The following EVI5 variants were observed in gnomAD, a reference collection of about 807,000 sequenced individuals.
EVI5 encodes ecotropic viral integration site 5.
In EVI5, 73 loss-of-function variants were observed where a neutral mutation model predicts 112.0. The observed-to-expected ratio is 0.65, with a 90% CI of 0.54 to 0.79. The LOEUF (loss-of-function observed/expected upper bound fraction) is 0.79, where lower values mean the gene tolerates loss of function less well. EVI5 is among the 30% of genes least tolerant of loss of function. The pLI is 0.00. For missense variants in EVI5, 900 were observed against 968.8 expected, an observed-to-expected ratio of 0.93 and a Z score of 0.94; for synonymous variants, 305 against 319.9, an observed-to-expected ratio of 0.95 and a Z score of 0.50.
intron 5 of EVI5, among the ~76,000 whole-genome samples, chr1:92,699,947 T>TA (rs1370752022): frequency 6.6e-6 from 1 of 152,164 alleles, no homozygotes; most frequent in Non-Finnish European, 1.5e-5. Flanking sequence ...ATAGCATTGA[T>TA]ATGGGAACTA....
rs202239725 is a variant in EVI5 at position 92,510,486 on chromosome 1, G to A, written c.*3170C>T. ...TATAATATCCACCATGAAATTTTAC[G>A]TTTCCAAATCATAAGCTTAATAGCA... On this transcript the variant is annotated 3_prime_UTR_variant, in exon 20 of 20. Coordinates refer to ENST00000684568, the MANE Select transcript of EVI5 (RefSeq NM_001350197.2). The A allele has an allele frequency of 9.2e-5, 14 of 152,122 alleles. No individual in the cohort carries two copies. The highest frequency in any genetic ancestry group is 3.1e-4 in the African/African-American group (13 of 41,416). 9.4% of individuals were successfully genotyped at this position (152,122 alleles called of 1,614,324 possible).
intron 13 of EVI5, among the ~76,000 whole-genome samples, chr1:92,645,347 T>C (rs558543039): frequency 1.7e-4 from 26 of 152,312 alleles, no homozygotes; most frequent in African/African-American, 6.0e-4. Context: ...TTCCATATTA[T>C]ATCTTTTTCA....
intron 18 of EVI5, among the ~76,000 whole-genome samples, chr1:92,590,111 C>T (rs1673549072): frequency 6.6e-6 from 1 of 151,962 alleles, no homozygotes; most frequent in African/African-American, 2.4e-5. Context: ...AAAACCCCAT[C>T]TGTACGTCAC....
intron 19 of EVI5, among the ~76,000 whole-genome samples, chr1:92,522,462 C>T (rs1161284338): frequency 6.6e-6 from 1 of 151,568 alleles, no homozygotes; most frequent in African/African-American, 2.4e-5. Context: ...ATGGTGAAAC[C>T]CCATCTCTAC....
chr1:92,684,087 A>T (rs1668073616), intron 9 of EVI5, among the ~76,000 whole-genome samples: 1 of 152,196 alleles, frequency 6.6e-6, no homozygotes, highest in Non-Finnish European at 1.5e-5. Flanking sequence ...AGCAATCCCA[A>T]GACACATAAA....
At chr1:92,622,402 A>T (rs1223870833) in intron 16 of EVI5, 2 of 385,046 alleles carry the variant, frequency 5.2e-6, no homozygotes, top group Non-Finnish European at 1.0e-5. Flanking sequence ...GTACTTAAGA[A>T]ACTCTTGAAG....
intron 1 of EVI5, among the ~76,000 whole-genome samples, chr1:92,753,070 G>A (rs1202800345): frequency 6.6e-6 from 1 of 151,756 alleles, no homozygotes; most frequent in Non-Finnish European, 1.5e-5. Flanking sequence ...TTTCTGAGGA[G>A]GCAACGTTTA....
chr1:92,771,460 A>G (rs1683396726), intron 1 of EVI5, among the ~76,000 whole-genome samples: 1 of 152,050 alleles, frequency 6.6e-6, no homozygotes, highest in Non-Finnish European at 1.5e-5. Context: ...AGCAGCCTAT[A>G]ACAGATACAT....
At chr1:92,594,624 C>T (rs1165209198) in intron 18 of EVI5, among the ~76,000 whole-genome samples, 12 of 151,570 alleles carry the variant, frequency 7.9e-5, no homozygotes, top group African/African-American at 9.8e-5. Flanking sequence ...TCAGAGTGAA[C>T]AGGCAGCCTA....
upstream of EVI5, among the ~76,000 whole-genome samples, chr1:92,789,295 C>T (rs1243372973): frequency 6.7e-6 from 1 of 150,212 alleles, no homozygotes; most frequent in African/African-American, 2.4e-5. Flanking sequence ...GAATTCAAGC[C>T]ATCCTCCTGC....
chr1:92,767,021 T>C (rs1682734858), intron 1 of EVI5, among the ~76,000 whole-genome samples: 1 of 145,910 alleles, frequency 6.9e-6, no homozygotes, highest in African/African-American at 2.6e-5. Flanking sequence ...AGGCAGAGGT[T>C]GCAGTGAGCT....
chr1:92,666,608 G>A (rs1374001668), intron 10 of EVI5, among the ~76,000 whole-genome samples: 2 of 95,968 alleles, frequency 2.1e-5, no homozygotes, highest in Non-Finnish European at 4.2e-5. Flanking sequence ...GAGGGGAGGG[G>A]AAGGGAGGGG....
intron 9 of EVI5, among the ~76,000 whole-genome samples, chr1:92,682,234 C>T (rs1011243973): frequency 6.6e-6 from 1 of 152,158 alleles, no homozygotes; most frequent in African/African-American, 2.4e-5. Flanking sequence ...ACTCTTACTT[C>T]CCTCTGGTGT....
intron 1 of EVI5, among the ~76,000 whole-genome samples, chr1:92,738,045 G>A (rs1253841062): frequency 6.6e-6 from 1 of 152,178 alleles, no homozygotes; most frequent in Non-Finnish European, 1.5e-5. Context: ...AGAGACCTAA[G>A]AAAGAGAAGC....
intron 19 of EVI5, among the ~76,000 whole-genome samples, chr1:92,559,928 A>G (rs2100854558): frequency 6.6e-6 from 1 of 152,230 alleles, no homozygotes; most frequent in South Asian, 2.1e-4. Context: ...ATACTGGGGG[A>G]AAAGTACTCA....
At chr1:92,552,986 A>AT (rs1326790980) in intron 19 of EVI5, among the ~76,000 whole-genome samples, 2 of 151,924 alleles carry the variant, frequency 1.3e-5, no homozygotes, top group Non-Finnish European at 2.9e-5. Flanking sequence ...AACAAGTTAA[A>AT]ATTTTTTTTT....
chr1:92,792,199 T>G, intron 1 of EVI5: 1 of 598,670 alleles, frequency 1.7e-6, no homozygotes, highest in Non-Finnish European at 2.9e-6. Flanking sequence ...AAAATAAAAC[T>G]GAAGAAATGT....
chr1:92,704,764 T>G lies in EVI5; in HGVS notation c.150-20A>C, dbSNP rs761166354. 2.3e-6 allele frequency: 3 copies of G among 1,303,884 alleles called. No individual in the cohort carries two copies. Among genetic ancestry groups the G allele is most frequent in the Non-Finnish European group, 3.2e-6 (3 of 944,856 alleles). The allele number at this position is 1,303,884 out of a possible 1,614,324, so 80.8% of individuals were successfully genotyped here. Reference sequence around the variant, plus strand: ...AACAATCTAAAATATAATTAAAAACTGTTCAAGATCTAATCGGACAGTGAT... The same window carrying G: ...AACAATCTAAAATATAATTAAAAACGGTTCAAGATCTAATCGGACAGTGAT... On this transcript the variant is annotated intron_variant, in intron 2 of 19. Coordinates refer to ENST00000684568, the MANE Select transcript of EVI5 (RefSeq NM_001350197.2).
intron 2 of EVI5, among the ~76,000 whole-genome samples, chr1:92,735,658 A>AATAAT (rs3042597): frequency 1.4e-5 from 2 of 142,560 alleles, no homozygotes; most frequent in African/African-American, 2.6e-5. Context: ...ATATAATTAT[A>AATAAT]TAATTCAACA....
Sources: gnomAD v4.1 joint callset for allele counts (sites outside exome capture counted in the v4.1 genomes callset) on GRCh38, gnomAD v4.1.1 for gene constraint, MANE v1.5 for transcripts, NCBI Gene and HGNC (gene_info 2026-07-23, HGNC 2026-07-21) for gene names.